The following CT45A1 variants were observed in gnomAD, a reference collection of about 807,000 sequenced individuals.
The protein encoded by CT45A1 is cancer/testis antigen 45-1.
At position 135,717,953 on chromosome X, in the gene CT45A1, G is replaced by C. The variant is rs782584446; in HGVS notation, c.-6-982G>C. 1.8e-3 allele frequency among the ~76,000 whole-genome samples: 205 copies of C among 112,032 alleles called. 1 individual carries two copies. Among genetic ancestry groups the C allele is most frequent in the Middle Eastern group, 4.6e-3 (1 of 218 alleles). On this transcript the variant is annotated intron_variant, in intron 1 of 4. Coordinates refer to ENST00000594565, the MANE Select transcript of CT45A1 (RefSeq NM_001017417.3). ...CACTTTTTAGAACCTCCAATAGATT[G>C]TTGAATGGATAGTGGACATCTTTGT...
At chrX:135,718,542 A>G (rs1444663085) in intron 1 of CT45A1, among the ~76,000 whole-genome samples, 2 of 110,567 alleles carry the variant, frequency 1.8e-5, no homozygotes, top group African/African-American at 6.5e-5. Context: ...AATGTATAAT[A>G]TATAGTTTAA....
intron 1 of CT45A1, among the ~76,000 whole-genome samples, chrX:135,717,536 G>A (rs782537669): frequency 9.7e-6 from 1 of 103,353 alleles, no homozygotes; most frequent in South Asian, 4.3e-4. Context: ...GCGACAGAGG[G>A]AGGCTCCGAC....
chrX:135,715,736 G>A (rs1256004217), intron 1 of CT45A1, among the ~76,000 whole-genome samples: 2 of 101,694 alleles, frequency 2.0e-5, no homozygotes, highest in Non-Finnish European at 3.9e-5. Flanking sequence ...TTAAGTTCTG[G>A]GATACATGTG....
chrX:135,716,582 T>C (rs2087990048), intron 1 of CT45A1, among the ~76,000 whole-genome samples: 1 of 111,776 alleles, frequency 8.9e-6, no homozygotes. Context: ...CTATACTATA[T>C]ACTACATAAT....
chrX:135,709,343 GTC>G (rs782601620), upstream of CT45A1, among the ~76,000 whole-genome samples: 2 of 112,717 alleles, frequency 1.8e-5, no homozygotes, highest in Non-Finnish European at 3.7e-5. Flanking sequence ...GGCCAGGCTA[GTC>G]TCAAACTCCT....
At chrX:135,712,998 T>TTCCTTC (rs782155348), upstream of CT45A1, among the ~76,000 whole-genome samples, 11 of 15,251 alleles carry the variant, frequency 7.2e-4, no homozygotes, top group Admixed American at 1.8e-3. Context: ...CCTTCCTTCC[T>TTCCTTC]CTCTCTCTCT....
chrX:135,715,819 A>C (rs1556571436), intron 1 of CT45A1, among the ~76,000 whole-genome samples: 1 of 107,018 alleles, frequency 9.3e-6, no homozygotes, highest in Non-Finnish European at 1.9e-5. Flanking sequence ...CCCATCATCT[A>C]CATTAGGTAT....
At chrX:135,718,450 G>A (rs1447656871) in intron 1 of CT45A1, among the ~76,000 whole-genome samples, 5 of 108,572 alleles carry the variant, frequency 4.6e-5, no homozygotes, top group African/African-American at 6.7e-5. Flanking sequence ...TCCTAATAAG[G>A]GTTAATACAG....
chrX:135,715,079 C>T (rs1303935855), intron 1 of CT45A1, among the ~76,000 whole-genome samples: 4 of 104,306 alleles, frequency 3.8e-5, no homozygotes, highest in African/African-American at 1.0e-4. Context: ...TGCTTTTACA[C>T]GATCTCAATA....
chrX:135,715,802 C>A (rs1433225608), intron 1 of CT45A1, among the ~76,000 whole-genome samples: 1 of 106,338 alleles, frequency 9.4e-6, no homozygotes, highest in Non-Finnish European at 1.9e-5. Flanking sequence ...TTTGCTGCAC[C>A]CATCAACCCA....
upstream of CT45A1, among the ~76,000 whole-genome samples, chrX:135,712,686 C>T (rs1366272068): frequency 8.2e-5 from 9 of 109,481 alleles, no homozygotes; most frequent in Non-Finnish European, 1.5e-4. Context: ...GCGCGCCCCA[C>T]GCCCGGTTAA....
chrX:135,709,507 G>A (rs782426455), upstream of CT45A1, among the ~76,000 whole-genome samples: 2 of 112,221 alleles, frequency 1.8e-5, no homozygotes, highest in South Asian at 3.7e-4. Flanking sequence ...GACCTCAAGC[G>A]ATCCACCCAC....
intron 1 of CT45A1, among the ~76,000 whole-genome samples, 176 bp from the exon 2 acceptor site, chrX:135,718,759 T>C (rs1199297371): frequency 2.8e-5 from 3 of 106,477 alleles, no homozygotes; most frequent in Non-Finnish European, 3.9e-5. Context: ...ACATTAAAAT[T>C]AGGTTTCTTT....
At chrX:135,712,793 G>A (rs1198250245), upstream of CT45A1, among the ~76,000 whole-genome samples, 5 of 110,984 alleles carry the variant, frequency 4.5e-5, no homozygotes, top group Non-Finnish European at 9.5e-5. Flanking sequence ...GCCTCCCAAA[G>A]TGCTGAGATT....
chrX:135,712,456 T>C (rs1205915581), upstream of CT45A1, among the ~76,000 whole-genome samples: 2 of 108,955 alleles, frequency 1.8e-5, no homozygotes, highest in African/African-American at 3.3e-5. Flanking sequence ...GCCACCACAC[T>C]GTGGCCCTCA....
rs1445548903 is a variant in CT45A1, at chrX:135,717,130, T to TA, written c.-6-1804dup. On this transcript the variant is annotated intron_variant, in intron 1 of 4. Coordinates refer to ENST00000594565, the MANE Select transcript of CT45A1 (RefSeq NM_001017417.3). ...CTTTTCCAAATCTTTAATTTGCATA[T>TA]ACTTAAAAAATGATCTGCTTGTGAA... Among the ~76,000 whole-genome samples, 3 of 112,460 alleles carry TA rather than the reference T, an allele frequency of 2.7e-5. No individual in the cohort carries two copies. The East Asian group carries it at 8.3e-4, about 31-fold the overall frequency.
At chrX:135,718,594 A>G (rs1299195740) in intron 1 of CT45A1, among the ~76,000 whole-genome samples, 5 of 110,818 alleles carry the variant, frequency 4.5e-5, no homozygotes, top group Non-Finnish European at 9.4e-5. Flanking sequence ...TGGTTTATAC[A>G]GCTATTTTTC....
chrX:135,712,811 C>G (rs550794311), upstream of CT45A1, among the ~76,000 whole-genome samples: 2 of 110,941 alleles, frequency 1.8e-5, no homozygotes, highest in African/African-American at 6.5e-5. Flanking sequence ...ATTACAGGCG[C>G]GAGCCACAGC....
chrX:135,713,089 G>T (rs2087948178), upstream of CT45A1, among the ~76,000 whole-genome samples: 1 of 92,941 alleles, frequency 1.1e-5, no homozygotes, highest in Non-Finnish European at 2.1e-5. Flanking sequence ...CCAGGCTGGA[G>T]TACGGTGGTG....
Sources: gnomAD v4.1 joint callset for allele counts (sites outside exome capture counted in the v4.1 genomes callset) on GRCh38, gnomAD v4.1.1 for gene constraint, MANE v1.5 for transcripts, NCBI Gene and HGNC (gene_info 2026-07-23, HGNC 2026-07-21) for gene names.